Variants in PCSK5 observed in about 807,000 individuals in gnomAD.
PCSK5 encodes the protein prohormone convertase 5.
In PCSK5, 129 loss-of-function variants were observed where a neutral mutation model predicts 233.2. That is an observed-to-expected ratio of 0.55 (90% CI 0.48 to 0.64). PCSK5 has a LOEUF of 0.64. Among genes scored for constraint, PCSK5 ranks in the 30% least tolerant of loss-of-function variants. The pLI is 0.00. For missense variants in PCSK5, 2,076 were observed against 2,430.1 expected (o/e 0.85, Z 3.06); for synonymous variants, 825 against 879.2 (o/e 0.94, Z 1.09).
chr9:76,328,346 C>A (rs1829432274), intron 33 of PCSK5, 107 bp downstream of exon 33: 3 of 820,370 alleles, frequency 3.7e-6, no homozygotes, highest in African/African-American at 3.4e-5. Flanking sequence ...TGATTTTTTG[C>A]TTTGTGTTTG....
At chr9:76,213,723 C>T (rs1825415911) in intron 20 of PCSK5, among the ~76,000 whole-genome samples, 3 of 152,074 alleles carry the variant, frequency 2.0e-5, no homozygotes, top group South Asian at 4.2e-4. Flanking sequence ...ACTGATGTTC[C>T]GTTATCTGTC....
chr9:75,929,068 T>C (rs1564088502), intron 1 of PCSK5, among the ~76,000 whole-genome samples: 1 of 152,174 alleles, frequency 6.6e-6, no homozygotes, highest in Non-Finnish European at 1.5e-5. Context: ...CCCGAGTAGC[T>C]GGGACTACAG....
intron 24 of PCSK5, among the ~76,000 whole-genome samples, chr9:76,283,901 C>A (rs1478469763): frequency 1.3e-5 from 2 of 152,164 alleles, no homozygotes; most frequent in Non-Finnish European, 2.9e-5. Flanking sequence ...AATAGTCCGT[C>A]TATAAAGAAG....
In PCSK5 at chr9:76,023,811, G is replaced by C; in HGVS notation, c.485G>C (p.Gly162Ala). The C allele has an allele frequency of 6.2e-7, 1 of 1,613,592 alleles. No homozygotes were observed. The highest frequency in any genetic ancestry group is 1.1e-5 in the South Asian group (1 of 91,000). Residue 162 changes from glycine (G) to alanine (A), a missense_variant, in exon 4 of 38, where the codon GGA becomes GCA. Physicochemically the swap from Gly to Ala is moderately conservative, Grantham distance 60. This residue lies in a region of PCSK5 where 190 missense variants were observed against 216.3 expected (regional missense o/e 0.88). Transcript: ENST00000674117. ...IEGAWKRGYT[G>A]KNIVVTILDD... is the part of the protein sequence containing the mutation. ...GGAGCCTGGAAGAGAGGCTACACGGGAAAGAACATTGTGGTCACTATCCTG... is the reference window on the plus strand; with the variant it reads ...GGAGCCTGGAAGAGAGGCTACACGGCAAAGAACATTGTGGTCACTATCCTG...
At chr9:76,230,624 G>A (rs1368299327) in intron 21 of PCSK5, among the ~76,000 whole-genome samples, 1 of 152,192 alleles carries the variant, frequency 6.6e-6, no homozygotes, top group East Asian at 1.9e-4. Context: ...AGCAAGTGAA[G>A]CCTCGTCTGT....
intron 20 of PCSK5, among the ~76,000 whole-genome samples, chr9:76,208,216 A>G (rs953582984): frequency 1.1e-4 from 17 of 152,166 alleles, no homozygotes; most frequent in Middle Eastern, 3.2e-3. Flanking sequence ...TGGAGGGGAC[A>G]TTCAAACCGT....
chr9:75,986,046 T>G, intron 2 of PCSK5, 86 bp from the exon 3 acceptor site: 1 of 795,068 alleles, frequency 1.3e-6, no homozygotes, highest in Non-Finnish European at 2.2e-6. Context: ...TAGCCTTGAC[T>G]TACAATGGGA....
At chr9:76,047,776 G>A (rs200084795) in intron 5 of PCSK5, among the ~76,000 whole-genome samples, 2 of 152,060 alleles carry the variant, frequency 1.3e-5, no homozygotes, top group African/African-American at 2.4e-5. Context: ...TATAAACATC[G>A]CAAATGGTGC....
intron 24 of PCSK5, among the ~76,000 whole-genome samples, chr9:76,246,886 C>T (rs1051739370): frequency 2.6e-5 from 4 of 152,232 alleles, no homozygotes; most frequent in African/African-American, 9.6e-5. Context: ...TGGTGGCAGG[C>T]CACTTCCAAA....
intron 30 of PCSK5, among the ~76,000 whole-genome samples, chr9:76,319,349 A>C (rs914178433): frequency 6.6e-6 from 1 of 150,782 alleles, no homozygotes; most frequent in African/African-American, 2.4e-5. Flanking sequence ...AAATAGTTAG[A>C]ATAAGAATAG....
At chr9:76,048,509 T>A (rs1829505289) in intron 5 of PCSK5, among the ~76,000 whole-genome samples, 1 of 152,218 alleles carries the variant, frequency 6.6e-6, no homozygotes. Flanking sequence ...TGTATGCATG[T>A]TCTTGTTTAA....
At chr9:76,160,604 G>A (rs1315249772) in intron 12 of PCSK5, among the ~76,000 whole-genome samples, 2 of 152,268 alleles carry the variant, frequency 1.3e-5, no homozygotes, top group South Asian at 2.1e-4. Context: ...CAGGCCAGAG[G>A]TGTTGAGAGG....
intron 3 of PCSK5, among the ~76,000 whole-genome samples, chr9:76,010,492 C>T (rs1827685226): frequency 6.6e-6 from 1 of 152,098 alleles, no homozygotes; most frequent in African/African-American, 2.4e-5. Flanking sequence ...CCCTTTCTTC[C>T]CTTTTAATGA....
chr9:75,973,353 T>C lies in PCSK5; in HGVS notation c.298-12779T>C, dbSNP rs567340954. Among the ~76,000 whole-genome samples the C allele has an allele frequency of 3.9e-5, 6 of 152,274 alleles. No individual in the cohort carries two copies. In the South Asian group the frequency reaches 1.2e-3, roughly 32 times the overall value. On this transcript the variant is annotated intron_variant, in intron 2 of 37. Coordinates refer to ENST00000674117, the MANE Select transcript of PCSK5 (RefSeq NM_001372043.1). ...GCTCCTAACTGTAAATGACATAGGA[T>C]TATTTTCTTCCTCTTTCCAGACTGA...
chr9:75,892,023 G>T (rs1004597674), intron 1 of PCSK5, among the ~76,000 whole-genome samples: 1 of 152,126 alleles, frequency 6.6e-6, no homozygotes, highest in Non-Finnish European at 1.5e-5. Context: ...CCGCGTGGGG[G>T]CTCCCGGAAG....
In PCSK5 at chr9:75,958,158, A is replaced by G. The variant is rs142317380; in HGVS notation, c.297+25675A>G. On this transcript the variant is annotated intron_variant, in intron 2 of 37. Transcript: ENST00000674117. ...GTAAACATGAAAAGATTATGCAAAA[A>G]GTAATCAGAATGTAATGCATTCACA... Among the ~76,000 whole-genome samples the G allele has an allele frequency of 3.1e-3, 465 of 152,354 alleles. 5 individuals carry two copies. Among genetic ancestry groups the G allele is most frequent in the African/African-American group, 0.01 (432 of 41,578 alleles).
chr9:76,252,993 G>C lies in PCSK5; in HGVS notation c.3142+12309G>C, dbSNP rs1271118235. 2.0e-5 allele frequency among the ~76,000 whole-genome samples: 3 copies of C among 152,318 alleles called. No homozygotes were observed. In the East Asian group the frequency reaches 5.8e-4, roughly 29 times the overall value. On this transcript the variant is annotated intron_variant, in intron 24 of 37. Transcript: ENST00000674117. The stretch of plus-strand genomic sequence containing the variant: ...ATACTTTCAGAGGCACAAGAACGGT[G>C]TCAAACCATTTTGGTACCTTCCAAA...
chr9:76,195,546 G>C (rs551651260), intron 20 of PCSK5: 1 of 152,120 alleles, frequency 6.6e-6, no homozygotes, highest in Admixed American at 6.5e-5. Context: ...TTATTAACTA[G>C]AACATAATGC....
At chr9:76,077,054 A>C (rs1830668460) in intron 7 of PCSK5, among the ~76,000 whole-genome samples, 1 of 152,198 alleles carries the variant, frequency 6.6e-6, no homozygotes, top group Non-Finnish European at 1.5e-5. Context: ...AGGGAGAAAA[A>C]ACAGAAATTC....
Sources: gnomAD v4.1 joint callset for allele counts (sites outside exome capture counted in the v4.1 genomes callset) on GRCh38, gnomAD v4.1.1 for gene constraint, gnomAD v4.1.1 regional missense constraint, MANE v1.5 for transcripts, NCBI Gene and HGNC (gene_info 2026-07-23, HGNC 2026-07-21) for gene names.